GPC5: variants seen among roughly 807,000 people sequenced by gnomAD.
The protein encoded by GPC5 is glypican 5.
A neutral mutation model predicts 53.9 loss-of-function variants in GPC5; 47 were observed. The ratio of observed to expected loss-of-function variants is 0.87; its 90% confidence interval spans 0.69 to 1.11. The LOEUF is 1.11. Ranked by LOEUF, GPC5 falls within the 50% of genes most tolerant of loss-of-function variation. The pLI is 0.00. For synonymous variants in GPC5, 286 were observed against 263.3 expected, an observed-to-expected ratio of 1.09 and a Z score of -0.84; for missense variants, 748 against 713.1, an observed-to-expected ratio of 1.05 and a Z score of -0.56.
chr13:92,249,882 T>C (rs1566504118), intron 7 of GPC5, among the ~76,000 whole-genome samples: 1 of 152,130 alleles, frequency 6.6e-6, no homozygotes, highest in Non-Finnish European at 1.5e-5. Flanking sequence ...TTTACCTCTC[T>C]TAGTTTCCGG....
At chr13:91,555,468 C>T (rs1338110758) in intron 2 of GPC5, among the ~76,000 whole-genome samples, 3 of 140,194 alleles carry the variant, frequency 2.1e-5, no homozygotes, top group South Asian at 2.3e-4. Flanking sequence ...TTTCTGGGGG[C>T]GAGTACAGAG....
chr13:91,898,664 C>G (rs1035675765), intron 5 of GPC5, among the ~76,000 whole-genome samples: 2 of 138,346 alleles, frequency 1.4e-5, no homozygotes, highest in African/African-American at 5.5e-5. Context: ...ATTTATGTTA[C>G]TGTCACCAAA....
At position 92,211,752 on chromosome 13, in the gene GPC5, CAATTAGATAGGAGCTCCTG is replaced by C. The variant is rs543386278; in HGVS notation, c.1561+66775_1561+66793del. ...CCTGAATTAGATAATAGGAGCTCCT[CAATTAGATAGGAGCTCCTG>C]AATTAGATAGGCTCAATCTGATCCA... On this transcript the variant is annotated intron_variant, in intron 7 of 7. Transcript: ENST00000377067. 8.6e-3 allele frequency among the ~76,000 whole-genome samples: 1,315 copies of C among 152,210 alleles called. 22 individuals are homozygous for C. The highest frequency in any genetic ancestry group is 0.03 in the African/African-American group (1,233 of 41,528).
At chr13:91,894,027 T>C (rs1420155364) in intron 5 of GPC5, among the ~76,000 whole-genome samples, 2 of 152,082 alleles carry the variant, frequency 1.3e-5, no homozygotes, top group Non-Finnish European at 2.9e-5. Context: ...ATTATTGCTC[T>C]GAGATCAAGA....
chr13:92,730,182 A>C (rs1168694057), intron 7 of GPC5, among the ~76,000 whole-genome samples: 2 of 151,398 alleles, frequency 1.3e-5, no homozygotes, highest in African/African-American at 4.8e-5. Flanking sequence ...TACTTATTAC[A>C]CTTGTATTTT....
intron 7 of GPC5, among the ~76,000 whole-genome samples, chr13:92,512,333 T>C (rs377260347): frequency 3.9e-5 from 6 of 152,168 alleles, no homozygotes; most frequent in African/African-American, 1.4e-4. Flanking sequence ...TTAAGTACTT[T>C]AGTGACAAGT....
chr13:92,703,052 A>ATT (rs1887809099), intron 7 of GPC5, among the ~76,000 whole-genome samples: 139 of 145,806 alleles, frequency 9.5e-4, no homozygotes, highest in African/African-American at 3.2e-3. Context: ...GCATATATAT[A>ATT]TATTTATTTA....
At chr13:92,271,858 T>A (rs1010465144) in intron 7 of GPC5, among the ~76,000 whole-genome samples, 4 of 152,194 alleles carry the variant, frequency 2.6e-5, no homozygotes, top group African/African-American at 9.7e-5. Flanking sequence ...GAGTAATGTT[T>A]CTTAGGCAGT....
chr13:92,557,629 C>T (rs558438401), intron 7 of GPC5, among the ~76,000 whole-genome samples: 52 of 152,054 alleles, frequency 3.4e-4, no homozygotes, highest in South Asian at 8.3e-4. Context: ...ATCCTTCAGT[C>T]AAATTTAACA....
At chr13:91,975,488 G>A (rs2139099171) in intron 6 of GPC5, among the ~76,000 whole-genome samples, 1 of 152,260 alleles carries the variant, frequency 6.6e-6, no homozygotes, top group East Asian at 1.9e-4. Flanking sequence ...CTCAAAAGAA[G>A]ACATTTATGC....
Position 92,101,457 on chromosome 13 carries a change from A to C in GPC5, c.1402-43373A>C, listed in dbSNP as rs976664240. Among the ~76,000 whole-genome samples, 6 of 152,334 alleles carry C rather than the reference A, an allele frequency of 3.9e-5. No homozygotes were observed. The East Asian group carries it at 9.7e-4, about 25-fold the overall frequency. The stretch of plus-strand genomic sequence containing the variant: ...TTATGTCAGTTACCACGGACTGGCC[A>C]TGTCCACAGTGGATTCCCAATGTGT... On this transcript the variant is annotated intron_variant, in intron 6 of 7. Transcript: ENST00000377067.
At chr13:92,427,224 G>A (rs1194914203) in intron 7 of GPC5, among the ~76,000 whole-genome samples, 2 of 150,984 alleles carry the variant, frequency 1.3e-5, no homozygotes, top group African/African-American at 4.9e-5. Context: ...AGATTTTCAG[G>A]GATGAATCTG....
intron 7 of GPC5, among the ~76,000 whole-genome samples, chr13:92,574,463 CTCTTTA>C (rs764659340): frequency 1.2e-4 from 18 of 152,184 alleles, no homozygotes; most frequent in Middle Eastern, 3.4e-3. Flanking sequence ...AAATAGTAAT[CTCTTTA>C]TAAGTATTAC....
chr13:91,421,270 A>G (rs893053645), intron 1 of GPC5, among the ~76,000 whole-genome samples: 1 of 152,212 alleles, frequency 6.6e-6, no homozygotes, highest in Non-Finnish European at 1.5e-5. Context: ...AAGGTTATAA[A>G]GAACTCCTCA....
At chr13:92,096,273 A>G (rs1234334505) in intron 6 of GPC5, among the ~76,000 whole-genome samples, 1 of 152,160 alleles carries the variant, frequency 6.6e-6, no homozygotes, top group Non-Finnish European at 1.5e-5. Flanking sequence ...TCCTATAACT[A>G]TCTCTGCCAT....
chr13:92,277,758 T>C (rs1293716527), intron 7 of GPC5, among the ~76,000 whole-genome samples: 1 of 151,922 alleles, frequency 6.6e-6, no homozygotes, highest in Non-Finnish European at 1.5e-5. Context: ...TTGTTTCTAC[T>C]TCTCTAGTAG....
At chr13:92,164,906 G>A (rs530049140) in intron 7 of GPC5, among the ~76,000 whole-genome samples, 5 of 152,202 alleles carry the variant, frequency 3.3e-5, no homozygotes, top group African/African-American at 9.6e-5. Flanking sequence ...CCATGTAAAA[G>A]CCACCAAGGC....
chr13:92,821,399 G>T (rs1877667788), intron 7 of GPC5, among the ~76,000 whole-genome samples: 2 of 152,068 alleles, frequency 1.3e-5, no homozygotes. Flanking sequence ...TACTTCGCAA[G>T]TCAACATATT....
chr13:91,405,776 A>G (rs1877278818), intron 1 of GPC5, among the ~76,000 whole-genome samples: 1 of 151,988 alleles, frequency 6.6e-6, no homozygotes, highest in Non-Finnish European at 1.5e-5. Context: ...ACCTATTGAA[A>G]TTTTTTGTTG....
Sources: allele counts gnomAD v4.1 joint callset (sites outside exome capture counted in the v4.1 genomes callset), GRCh38; gene constraint gnomAD v4.1.1; transcripts MANE v1.5; gene names NCBI Gene and HGNC (gene_info 2026-07-23, HGNC 2026-07-21).